The following CFAP221 variants were observed in gnomAD, a reference collection of about 807,000 sequenced individuals.
CFAP221 encodes the protein cilia and flagella associated protein 221.
Under a neutral mutation model 113.1 loss-of-function variants are expected in CFAP221, and 97 were observed. The observed-to-expected ratio is 0.86, with a 90% confidence interval of 0.73 to 1.02. The LOEUF (loss-of-function observed/expected upper bound fraction) is 1.02, where lower values mean the gene tolerates loss of function less well. CFAP221 is among the 50% of genes least tolerant of loss of function. The probability of loss-of-function intolerance (pLI) is 0.00; values close to 1 mark genes in which losing one functional copy is unlikely to be tolerated. For missense variants in CFAP221, 1,025 were observed against 1,013.4 expected, an observed-to-expected ratio of 1.01 and a Z score of -0.16; for synonymous variants, 331 against 354.4, an observed-to-expected ratio of 0.93 and a Z score of 0.74.
intron 13 of CFAP221, among the ~76,000 whole-genome samples, chr2:119,614,293 T>A (rs555405515): frequency 1.3e-5 from 2 of 152,372 alleles, no homozygotes; most frequent in African/African-American, 4.8e-5. Context: ...TCTCTGCTTG[T>A]TACCCAGTTC....
intron 21 of CFAP221, among the ~76,000 whole-genome samples, chr2:119,640,830 GC>G (rs1210461787): frequency 6.6e-6 from 1 of 152,188 alleles, no homozygotes; most frequent in African/African-American, 2.4e-5. Flanking sequence ...CACCAGGGAG[GC>G]TACATGACCT....
intron 11 of CFAP221, among the ~76,000 whole-genome samples, chr2:119,606,207 G>A (rs1425128308): frequency 2.7e-5 from 4 of 150,238 alleles, no homozygotes; most frequent in Non-Finnish European, 5.9e-5. Flanking sequence ...TCACTATGTT[G>A]CCCAGGTGGG....
At chr2:119,638,897 C>T (rs1164584998) in intron 20 of CFAP221, among the ~76,000 whole-genome samples, 1 of 152,112 alleles carries the variant, frequency 6.6e-6, no homozygotes, top group Admixed American at 6.5e-5. Flanking sequence ...TCAGGCCCTT[C>T]AAGCTCAATT....
chr2:119,593,375 AAG>A (rs1683728787), intron 7 of CFAP221, among the ~76,000 whole-genome samples: 1 of 152,154 alleles, frequency 6.6e-6, no homozygotes, highest in African/African-American at 2.4e-5. Context: ...TTTTTTAAAA[AAG>A]AGGTTTAATT....
At chr2:119,557,585 C>T (rs1680900642) in intron 3 of CFAP221, among the ~76,000 whole-genome samples, 1 of 152,168 alleles carries the variant, frequency 6.6e-6, no homozygotes, top group South Asian at 2.1e-4. Context: ...TCCATAGATT[C>T]TGAGTATCCT....
intron 21 of CFAP221, among the ~76,000 whole-genome samples, chr2:119,646,128 A>C (rs1388459712): frequency 1.3e-5 from 2 of 152,196 alleles, no homozygotes; most frequent in Non-Finnish European, 2.9e-5. Flanking sequence ...TATAATACTA[A>C]ACAATACACA....
At chr2:119,587,020 A>G (rs929896691) in intron 6 of CFAP221, 99 bp from the exon 7 acceptor site, 17 of 831,728 alleles carry the variant, frequency 2.0e-5, no homozygotes, top group Admixed American at 6.0e-5. Flanking sequence ...GGCAGTCATC[A>G]TTGTTTATTA....
chr2:119,653,143 G>A (rs1275922815), intron 23 of CFAP221, among the ~76,000 whole-genome samples: 1 of 151,920 alleles, frequency 6.6e-6, no homozygotes, highest in Non-Finnish European at 1.5e-5. Flanking sequence ...CGCTTTGGGA[G>A]GCTGGGGCGG....
chr2:119,564,888 G>A (rs1273615937), intron 6 of CFAP221, among the ~76,000 whole-genome samples: 1 of 152,112 alleles, frequency 6.6e-6, no homozygotes, highest in Non-Finnish European at 1.5e-5. Flanking sequence ...ATGTTCTAGA[G>A]CTTCTCCAGG....
At chr2:119,553,893 A>G (rs1573982533) in intron 3 of CFAP221, among the ~76,000 whole-genome samples, 1 of 152,030 alleles carries the variant, frequency 6.6e-6, no homozygotes, top group South Asian at 2.1e-4. Flanking sequence ...AGGATGTGGA[A>G]CTCACTTTAA....
intron 7 of CFAP221, among the ~76,000 whole-genome samples, chr2:119,594,678 C>G (rs1683839296): frequency 6.6e-6 from 1 of 152,200 alleles, no homozygotes; most frequent in Non-Finnish European, 1.5e-5. Flanking sequence ...TGAATACAGT[C>G]TGCCACCAGC....
intron 7 of CFAP221, among the ~76,000 whole-genome samples, chr2:119,594,233 T>A (rs7603082): frequency 0.99 from 150,581 of 151,808 alleles, 74,695 homozygotes; most frequent in East Asian, 1. Context: ...TGTCCTCTTT[T>A]TCATGTGTAT....
Position 119,584,615 on chromosome 2 carries a change from A to G in CFAP221, c.528-2504A>G, listed in dbSNP as rs1432330937. The stretch of plus-strand genomic sequence containing the variant: ...AAAAAAAAAGAAGAATTTACAAATG[A>G]ATAAGAGAACAAAACCAATGAATAG... On this transcript the variant is annotated intron_variant, in intron 6 of 23. Transcript: ENST00000413369. Among the ~76,000 whole-genome samples, 8 of 152,260 alleles carry G rather than the reference A, an allele frequency of 5.3e-5. No homozygotes were observed. In the East Asian group the frequency reaches 1.5e-3, roughly 29 times the overall value.
At chr2:119,581,233 A>G in intron 6 of CFAP221, among the ~76,000 whole-genome samples, 1 of 152,234 alleles carries the variant, frequency 6.6e-6, no homozygotes, top group South Asian at 2.1e-4. Flanking sequence ...ATTGAATGAA[A>G]TTAATTATTA....
intron 21 of CFAP221, among the ~76,000 whole-genome samples, chr2:119,645,103 GCTCT>G (rs377302067): frequency 1.5e-5 from 2 of 136,378 alleles, no homozygotes; most frequent in East Asian, 2.2e-4. Context: ...CATTCCTTTA[GCTCT>G]CTCTCTCTCT....
chr2:119,636,463 G>A (rs867007209), intron 19 of CFAP221, among the ~76,000 whole-genome samples: 6 of 152,218 alleles, frequency 3.9e-5, no homozygotes, highest in Non-Finnish European at 7.3e-5. Flanking sequence ...TCACAATGGT[G>A]AGCAAAAGCA....
rs1687277375 is a variant in CFAP221, at chr2:119,638,726, A to T, written c.2133+309A>T. ...GTAAAAACAGCCACACGGTATGCAC[A>T]ACCGTTGGTCTGACCTCCTCTCTCT... On this transcript the variant is annotated intron_variant, in intron 20 of 23. Coordinates refer to ENST00000413369, the MANE Select transcript of CFAP221 (RefSeq NM_001271049.2). 2.0e-5 allele frequency among the ~76,000 whole-genome samples: 3 copies of T among 152,270 alleles called. No homozygotes were observed. In the South Asian group the frequency reaches 6.2e-4, roughly 32 times the overall value.
chr2:119,589,514 G>A (rs1683449402), intron 7 of CFAP221: 1 of 152,240 alleles, frequency 6.6e-6, no homozygotes, highest in Admixed American at 6.5e-5. Flanking sequence ...TGTATTTGTA[G>A]ACACTGTTTC....
At chr2:119,582,735 C>T (rs1400692379) in intron 6 of CFAP221, among the ~76,000 whole-genome samples, 2 of 151,878 alleles carry the variant, frequency 1.3e-5, no homozygotes. Context: ...GGATTACAGG[C>T]GTGAGCCACA....
Sources: gnomAD v4.1 joint callset for allele counts (sites outside exome capture counted in the v4.1 genomes callset) on GRCh38, gnomAD v4.1.1 for gene constraint, MANE v1.5 for transcripts, NCBI Gene and HGNC (gene_info 2026-07-23, HGNC 2026-07-21) for gene names.